DROSHA: variants seen among roughly 807,000 people sequenced by gnomAD.
DROSHA encodes ribonuclease 3.
A neutral mutation model predicts 181.9 loss-of-function variants in DROSHA; 56 were observed. The ratio of observed to expected loss-of-function variants is 0.31; its 90% CI spans 0.25 to 0.38. The LOEUF (loss-of-function observed/expected upper bound fraction) is 0.38. Ranked by LOEUF, DROSHA falls within the 10% of genes least tolerant of loss-of-function variation. The pLI is 1.00. For synonymous variants in DROSHA, 524 were observed against 591.2 expected (o/e 0.89, Z 1.65); for missense variants, 1,218 against 1,743.5 (o/e 0.70, Z 5.37).
At chr5:31,434,961 A>T (rs1561154143) in intron 25 of DROSHA, among the ~76,000 whole-genome samples, 1 of 152,248 alleles carries the variant, frequency 6.6e-6, no homozygotes, top group Non-Finnish European at 1.5e-5. Flanking sequence ...GTAGCACTTT[A>T]TAAATGACAT....
At chr5:31,468,580 T>C (rs1036239708) in intron 17 of DROSHA, among the ~76,000 whole-genome samples, 1 of 152,258 alleles carries the variant, frequency 6.6e-6, no homozygotes, top group African/African-American at 2.4e-5. Context: ...ATTATGTCCA[T>C]GTAGGACATT....
chr5:31,528,035 C>T (rs983503635), intron 4 of DROSHA, among the ~76,000 whole-genome samples: 2 of 152,100 alleles, frequency 1.3e-5, no homozygotes, highest in African/African-American at 2.4e-5. Flanking sequence ...GGCTTCCTGA[C>T]ATGATGCCTT....
chr5:31,515,557 C>G lies in DROSHA; in HGVS notation c.955G>C (p.Gly319Arg). Reference sequence around the variant, plus strand: ...GCAGGTTCAGGAACAACCGATAAACCGTAACTCCTAAAAGAAAAAGATATT... The same window carrying G: ...GCAGGTTCAGGAACAACCGATAAACGGTAACTCCTAAAAGAAAAAGATATT... Reference protein sequence around the residue: ...KEYKRSGRSYGLSVVPEPAGC... With the variant: ...KEYKRSGRSYRLSVVPEPAGC... Residue 319 changes from glycine (G) to arginine (R), a missense_variant, in exon 7 of 36, where the codon GGT (glycine) becomes CGT (arginine). Gly to Arg is a moderately radical substitution (Grantham distance 125). Transcript: ENST00000344624. 6.4e-7 allele frequency: 1 copy of G among 1,551,102 alleles called. No homozygotes were observed.
intron 35 of DROSHA, among the ~76,000 whole-genome samples, chr5:31,402,071 C>T (rs1430274325): frequency 6.6e-6 from 1 of 152,134 alleles, no homozygotes; most frequent in Non-Finnish European, 1.5e-5. Context: ...GGCCACGTTC[C>T]AAGTCATTAT....
rs150603393 is a variant in DROSHA at position 31,401,285 on chromosome 5, C to A, written c.*147G>T. On this transcript the variant is annotated 3_prime_UTR_variant, in exon 36 of 36. Transcript: ENST00000344624. ...AAAGACCATCCAGCTAAAAACAGAT[C>A]ATTAAAACAACAATAGCGATTTGAC... The A allele has an allele frequency of 3.3e-4, 372 of 1,135,726 alleles. 4 individuals carry two copies. In the East Asian group the frequency reaches 9.5e-3, roughly 29 times the overall value. The allele number at this position is 1,135,726 out of a possible 1,614,324, so 70.4% of individuals were successfully genotyped here.
rs530195732 is a variant in DROSHA at position 31,515,560 on chromosome 5, A to C, written c.952T>G (p.Tyr318Asp). The C allele has an allele frequency of 6.4e-7, 1 of 1,551,296 alleles. No individual in the cohort carries two copies. Among genetic ancestry groups the C allele is most frequent in the African/African-American group, 1.4e-5 (1 of 73,176 alleles). ...GGTTCAGGAACAACCGATAAACCGT[A>C]ACTCCTAAAAGAAAAAGATATTTGC... is the stretch of plus-strand genomic sequence containing the variant. The part of the protein sequence containing the change: ...KKEYKRSGRS[Y>D]GLSVVPEPAG... The change falls in exon 7 of 36, where the codon TAC becomes GAC. Residue 318 changes from tyrosine (Y) to aspartate (D), a missense_variant. Around this residue, in one of 8 missense-constraint regions of DROSHA, gnomAD observed 536 missense variants for 535.4 expected, o/e 1.00. Transcript: ENST00000344624.
rs771167877 is a variant in DROSHA, at chr5:31,514,161, T to C, written c.1290+827A>G. 1.4e-4 allele frequency among the ~76,000 whole-genome samples: 22 copies of C among 152,052 alleles called. No homozygotes were observed. Among genetic ancestry groups the C allele is most frequent in the Non-Finnish European group, 3.2e-4 (22 of 68,032 alleles). ...ATGGGCAACTTCGTAGGGTTGGTGC[T>C]CTTTTGGTCAAGGATACACTTCGAA... On this transcript the variant is annotated intron_variant, in intron 8 of 35. Transcript: ENST00000344624. This position sits in a 1 kb window ranked among gnomAD's most constrained non-coding sequence, Gnocchi z 4.4.
At chr5:31,435,252 A>G (rs1744651118) in intron 25 of DROSHA, among the ~76,000 whole-genome samples, 1 of 152,204 alleles carries the variant, frequency 6.6e-6, no homozygotes, top group South Asian at 2.1e-4. Context: ...AGCTAAGTCA[A>G]TGAGGCTAGG....
At chr5:31,528,906 C>A in intron 4 of DROSHA, 134 bp downstream of exon 4, 1 of 1,212,608 alleles carries the variant, frequency 8.2e-7, no homozygotes, top group South Asian at 1.4e-5. Context: ...GTATTGTGCC[C>A]ACTGTTGAAA....
At position 31,438,575 on chromosome 5, in the gene DROSHA, GTT is replaced by G. The variant is rs150746294; in HGVS notation, c.2883-1279_2883-1278del. ...GAGGGGAGGACCAAAAGGAAAGCAG[GTT>G]TTGGGGAAAAGCAAGAGGTGCATTT... On this transcript the variant is annotated intron_variant, in intron 23 of 35. Transcript: ENST00000344624. Among the ~76,000 whole-genome samples the G allele has an allele frequency of 8.0e-3, 1,221 of 152,236 alleles. 14 individuals carry two copies. Among genetic ancestry groups the G allele is most frequent in the African/African-American group, 0.028 (1,162 of 41,542 alleles).
At position 31,514,843 on chromosome 5, in the gene DROSHA, T is replaced by A. The variant is rs1275803878; in HGVS notation, c.1290+145A>T. The A allele has an allele frequency of 2.9e-6, 2 of 700,698 alleles. No homozygotes were observed. The allele number at this position is 700,698 out of a possible 1,614,324, so 43.4% of individuals were successfully genotyped here. On this transcript the variant is annotated intron_variant, in intron 8 of 35. Coordinates refer to ENST00000344624, the MANE Select transcript of DROSHA (RefSeq NM_001382508.1). This position sits in a 1 kb window ranked among gnomAD's most constrained non-coding sequence, Gnocchi z 4.4. ...ACTGGGGAGGGGTACTACTGGCATC[T>A]AACAGGTAGAGCCCAGAGATGCCGC...
At chr5:31,443,219 T>C (rs1181500464) in intron 23 of DROSHA, among the ~76,000 whole-genome samples, 2 of 152,028 alleles carry the variant, frequency 1.3e-5, no homozygotes, top group African/African-American at 4.8e-5. Flanking sequence ...GGTTTCATCA[T>C]GTTGGCCAGG....
rs1389488682 is a variant in DROSHA at position 31,514,285 on chromosome 5, ATAAAC to A, written c.1290+698_1290+702del. On this transcript the variant is annotated intron_variant, in intron 8 of 35. Coordinates refer to ENST00000344624, the MANE Select transcript of DROSHA (RefSeq NM_001382508.1). The surrounding 1 kb of genome is among the most constrained non-coding windows in gnomAD (Gnocchi z 4.4). ...CATACACATACACACTACAAACTGC[ATAAAC>A]TAGTTACATGTGAAAGCTTATGAAA... 2.6e-5 allele frequency among the ~76,000 whole-genome samples: 4 copies of A among 152,026 alleles called. No individual in the cohort carries two copies. Among genetic ancestry groups the A allele is most frequent in the African/African-American group, 9.7e-5 (4 of 41,390 alleles).
intron 33 of DROSHA, 64 bp from the exon 34 acceptor site, chr5:31,407,009 C>G: frequency 6.9e-7 from 1 of 1,456,052 alleles, no homozygotes; most frequent in Non-Finnish European, 9.5e-7. Context: ...TACTATGTAA[C>G]TATGAGGAAA....
At chr5:31,471,041 C>T (rs542297169) in intron 17 of DROSHA, among the ~76,000 whole-genome samples, 4 of 152,104 alleles carry the variant, frequency 2.6e-5, no homozygotes, top group East Asian at 1.9e-4. Context: ...AAAAATTATA[C>T]GATTTTCTGG....
chr5:31,500,631 C>T (rs1753486835), intron 11 of DROSHA, among the ~76,000 whole-genome samples: 1 of 152,192 alleles, frequency 6.6e-6, no homozygotes, highest in Non-Finnish European at 1.5e-5. Flanking sequence ...AACAAATGTG[C>T]AGGTGACAGG....
At chr5:31,429,384 C>T (rs1743868215) in intron 27 of DROSHA, 91 bp downstream of exon 27, 1 of 1,248,090 alleles carries the variant, frequency 8.0e-7, no homozygotes, top group South Asian at 1.5e-5. Flanking sequence ...TTTGTTTCTC[C>T]TATATTCTCT....
intron 16 of DROSHA, among the ~76,000 whole-genome samples, chr5:31,478,488 G>A (rs1287064161): frequency 1.3e-5 from 2 of 152,206 alleles, no homozygotes; most frequent in Non-Finnish European, 2.9e-5. Context: ...TTTAATCCTA[G>A]CACTTTAGGA....
chr5:31,519,707 T>C (rs558468835), intron 6 of DROSHA, among the ~76,000 whole-genome samples: 25 of 152,314 alleles, frequency 1.6e-4, no homozygotes, highest in African/African-American at 6.0e-4. Context: ...CTTCATCATG[T>C]TAAAGACAAC....
Sources: allele counts gnomAD v4.1 joint callset (sites outside exome capture counted in the v4.1 genomes callset), GRCh38; gene constraint gnomAD v4.1.1; regional missense constraint gnomAD v4.1.1; non-coding constraint Gnocchi (gnomAD v3.1); transcripts MANE v1.5; gene names NCBI Gene and HGNC (gene_info 2026-07-23, HGNC 2026-07-21).